PES1: variants seen among roughly 807,000 people sequenced by gnomAD.
PES1 encodes pescadillo homolog.
Under a neutral mutation model 77.1 loss-of-function variants are expected in PES1, and 31 were observed. The ratio of observed to expected loss-of-function variants is 0.40; its 90% CI spans 0.30 to 0.54. The LOEUF (loss-of-function observed/expected upper bound fraction) is 0.54, where lower values mean the gene tolerates loss of function less well. PES1 is among the 20% of genes least tolerant of loss of function. The probability of loss-of-function intolerance (pLI) is 0.45; values close to 1 mark genes in which losing one functional copy is unlikely to be tolerated. For synonymous variants in PES1, 282 were observed against 303.0 expected (o/e 0.93, Z 0.72); for missense variants, 658 against 771.7 (o/e 0.85, Z 1.75).
chr22:30,599,304 A>C (rs1453696239), intron 2 of PES1, among the ~76,000 whole-genome samples: 3 of 124,602 alleles, frequency 2.4e-5, no homozygotes, highest in Non-Finnish European at 5.2e-5. Context: ...TATTGGTCAA[A>C]GTTTTTTTAC....
chr22:30,606,375 C>T (rs1309219355), intron 1 of PES1, among the ~76,000 whole-genome samples: 3 of 151,870 alleles, frequency 2.0e-5, no homozygotes, highest in East Asian at 1.9e-4. Context: ...GGATTACAGA[C>T]GTCTGCCACC....
At chr22:30,597,056 C>G (rs993493445) in intron 2 of PES1, among the ~76,000 whole-genome samples, 2 of 152,200 alleles carry the variant, frequency 1.3e-5, no homozygotes, top group Non-Finnish European at 1.5e-5. Flanking sequence ...GCCGGCCCAC[C>G]GGCGCTGCGC....
intron 9 of PES1, 67 bp downstream of exon 9, chr22:30,580,945 C>G: frequency 7.2e-7 from 1 of 1,393,938 alleles, no homozygotes; most frequent in Non-Finnish European, 1.0e-6. Flanking sequence ...TGCAAATGTC[C>G]CTAAGCTGGG....
chr22:30,606,232 T>C (rs1276564408), intron 1 of PES1, among the ~76,000 whole-genome samples: 1 of 152,040 alleles, frequency 6.6e-6, no homozygotes, highest in East Asian at 1.9e-4. Flanking sequence ...TCATTCTTTT[T>C]ATTTTATTTT....
Position 30,579,000 on chromosome 22 carries a change from T to C in PES1, c.1522-2A>G. Reference sequence around the variant, plus strand: ...GGTGCCTGCCATCACCCTGGGCTTCTGGGGACACAAGGAGGGTGCTTATGG... The same window carrying C: ...GGTGCCTGCCATCACCCTGGGCTTCCGGGGACACAAGGAGGGTGCTTATGG... On this transcript the variant is annotated splice_acceptor_variant, in intron 13 of 14. Coordinates refer to ENST00000354694, the MANE Select transcript of PES1 (RefSeq NM_014303.4). LOFTEE classifies it high-confidence loss of function. 6.2e-7 allele frequency: 1 copy of C among 1,609,718 alleles called. No individual in the cohort carries two copies. Among genetic ancestry groups the C allele is most frequent in the Non-Finnish European group, 8.5e-7 (1 of 1,179,982 alleles).
At chr22:30,605,510 C>A in exon 2 of PES1, 2 of 984,138 alleles carry the variant, frequency 2.0e-6, no homozygotes, top group Non-Finnish European at 2.4e-6. Context: ...CTCCTCCAGG[C>A]TGCCTTCCTG....
upstream of PES1, among the ~76,000 whole-genome samples, chr22:30,594,456 G>A (rs2146486192): frequency 6.6e-6 from 1 of 152,198 alleles, no homozygotes; most frequent in Non-Finnish European, 1.5e-5. Context: ...GGAGGCAGAG[G>A]TTGCAATGAG....
At chr22:30,585,795 C>A (rs2087077711) in intron 4 of PES1, among the ~76,000 whole-genome samples, 1 of 151,968 alleles carries the variant, frequency 6.6e-6, no homozygotes, top group Non-Finnish European at 1.5e-5. Flanking sequence ...TGAGACCAGA[C>A]ATTGCCAAGG....
chr22:30,584,698 C>A lies in PES1; in HGVS notation c.388G>T (p.Ala130Ser). The change falls in exon 5 of 15, where the codon GCC becomes TCC. Residue 130 changes from alanine to serine, a missense_variant. By Grantham distance (99) the Ala-to-Ser change is moderately conservative. Coordinates refer to ENST00000354694, the MANE Select transcript of PES1 (RefSeq NM_014303.4). The stretch of plus-strand genomic sequence containing the variant: ...AGGGCATCGTCCAGGTCCCGCAGGG[C>A]ATCGATGAACGTGGGATACCTGCAT... ...IKERYPTFID[A>S]LRDLDDALSM... 6.2e-7 allele frequency: 1 copy of A among 1,613,784 alleles called. No individual in the cohort carries two copies. The highest frequency in any genetic ancestry group is 1.7e-4 in the Middle Eastern group (1 of 6,028).
upstream of PES1, among the ~76,000 whole-genome samples, chr22:30,594,290 T>C (rs923675387): frequency 2.0e-5 from 3 of 152,070 alleles, no homozygotes; most frequent in Non-Finnish European, 2.9e-5. Flanking sequence ...GAGGCCAAGG[T>C]GGGTGGATCA....
chr22:30,578,690 A>AGGCTG, intron 14 of PES1, 147 bp downstream of exon 14: 1 of 931,576 alleles, frequency 1.1e-6, no homozygotes, highest in Non-Finnish European at 1.6e-6. Flanking sequence ...GGGGCCCCAA[A>AGGCTG]GGCTGGGCTG....
At chr22:30,598,646 A>G (rs11913547) in intron 2 of PES1, among the ~76,000 whole-genome samples, 25,645 of 151,744 alleles carry the variant, frequency 0.17, 2,276 homozygotes, top group African/African-American at 0.19. Context: ...CCAGGCTGGT[A>G]TTGAACTCCT....
Position 30,584,649 on chromosome 22 carries a change from G to A in PES1, c.437C>T (p.Thr146Ile). Residue 146 changes from threonine (T) to isoleucine (I), a missense_variant, in exon 5 of 15, where the codon ACC becomes ATC. Coordinates refer to ENST00000354694, the MANE Select transcript of PES1 (RefSeq NM_014303.4). ...GTGGCACTTGCCAGTCCGCGGGAAG[G>A]TGGAAAACAGGAAGCACATGGAGAG... ...DALSMCFLFS[T>I]FPRTGKCHVQ... 1 of 1,614,004 alleles carries A rather than the reference G, an allele frequency of 6.2e-7. No individual in the cohort carries two copies. The highest frequency in any genetic ancestry group is 8.5e-7 in the Non-Finnish European group (1 of 1,180,026).
intron 2 of PES1, among the ~76,000 whole-genome samples, chr22:30,597,836 A>C (rs201861194): frequency 4.6e-5 from 7 of 151,176 alleles, no homozygotes; most frequent in Non-Finnish European, 7.4e-5. Flanking sequence ...TGCCCGACTC[A>C]GCTGTGGTAA....
intron 6 of PES1, 102 bp from the exon 7 acceptor site, chr22:30,581,746 C>A: frequency 1.3e-6 from 1 of 788,766 alleles, no homozygotes; most frequent in South Asian, 1.5e-5. Flanking sequence ...TACCCAAAGA[C>A]CCCAAGCTCC....
intron 6 of PES1, among the ~76,000 whole-genome samples, chr22:30,582,664 TGAC>T (rs2087005055): frequency 2.0e-5 from 3 of 152,162 alleles, no homozygotes; most frequent in Non-Finnish European, 4.4e-5. Context: ...GGTGTGCCCA[TGAC>T]TCTTAGCTGT....
rs1030486820 is a variant in PES1 at position 30,603,302 on chromosome 22, G to T, written c.-661+2159C>A. Reference sequence around the variant, plus strand: ...ACCACAGTTGGGAACCAATGCTCTAGTTGATGGGATTTTTTTATGATTTTA... The same window carrying T: ...ACCACAGTTGGGAACCAATGCTCTATTTGATGGGATTTTTTTATGATTTTA... On this transcript the variant is annotated intron_variant, in intron 2 of 16. Transcript: ENST00000402281. Among the ~76,000 whole-genome samples, 6 of 152,160 alleles carry T rather than the reference G, an allele frequency of 3.9e-5. No individual in the cohort carries two copies. In the South Asian group the frequency reaches 1.0e-3, roughly 26 times the overall value.
intron 2 of PES1, among the ~76,000 whole-genome samples, chr22:30,600,999 A>T (rs186475350): frequency 6.6e-6 from 1 of 152,212 alleles, no homozygotes; most frequent in South Asian, 2.1e-4. Flanking sequence ...ATCAGTTTGT[A>T]GCTGCCTCAA....
In PES1 at chr22:30,581,027, C is replaced by G. The variant is rs2108110; in HGVS notation, c.897G>C (p.Glu299Asp). The G allele has an allele frequency of 4.9e-4, 792 of 1,612,610 alleles. No homozygotes were observed. Among genetic ancestry groups the G allele is most frequent in the Middle Eastern group, 6.6e-4 (4 of 6,056 alleles). Residue 299 changes from glutamate to aspartate, a missense_variant, in exon 9 of 15, where the codon GAG becomes GAC. By Grantham distance (45) the Glu-to-Asp change is conservative. Coordinates refer to ENST00000354694, the MANE Select transcript of PES1 (RefSeq NM_014303.4). Reference protein sequence around the residue: ...PATEEEAEVDEFPTDGEMSAQ... With the variant: ...PATEEEAEVDDFPTDGEMSAQ... ...CAGTGCTCACCCCATCGGTGGGAAACTCATCCACCTCGGCCTCCTCCTCTG... is the reference window on the plus strand; with the variant it reads ...CAGTGCTCACCCCATCGGTGGGAAAGTCATCCACCTCGGCCTCCTCCTCTG...
Sources: gnomAD v4.1 joint callset for allele counts (sites outside exome capture counted in the v4.1 genomes callset) on GRCh38, gnomAD v4.1.1 for gene constraint, MANE v1.5 for transcripts, NCBI Gene and HGNC (gene_info 2026-07-23, HGNC 2026-07-21) for gene names.